The following TGM6 variants were observed in gnomAD, a reference collection of about 807,000 sequenced individuals.
TGM6 encodes transglutaminase 6.
TGM6 carries 74 observed loss-of-function variants against 77.5 expected under a neutral mutation model. That is an observed-to-expected ratio of 0.96 (90% CI 0.79 to 1.16). TGM6 has a LOEUF of 1.16. TGM6 is among the 50% of genes most tolerant of loss of function. The pLI is 0.00. For synonymous variants in TGM6, 383 were observed against 378.9 expected (o/e 1.01, Z -0.12); for missense variants, 968 against 940.2 (o/e 1.03, Z -0.39).
chr20:2,396,623 A>AGGTCT lies in TGM6; in HGVS notation c.543_543+4dup, dbSNP rs756760933. On this transcript the variant is annotated frameshift_variant and splice_region_variant, in exon 4 of 13. Transcript: ENST00000202625. LOFTEE classifies it high-confidence loss of function. The stretch of plus-strand genomic sequence containing the variant: ...CGAGCCCAGGGCTGGAACTACGGGC[A>AGGTCT]GGTCTCCAGGGGCACAGGCCAGACA... The AGGTCT allele has an allele frequency of 2.7e-5, 43 of 1,614,040 alleles. No homozygotes were observed. The highest frequency in any genetic ancestry group is 3.6e-5 in the Non-Finnish European group (42 of 1,179,998).
rs1277877782 is a variant in TGM6, at chr20:2,396,595, A to C, written c.514A>C (p.Ile172Leu). The C allele has an allele frequency of 1.2e-6, 2 of 1,614,080 alleles. No homozygotes were observed. Among genetic ancestry groups the C allele is most frequent in the Admixed American group, 3.3e-5 (2 of 60,000 alleles). ...CATCTTCCGAGGCGTGGAGAAGCAC[A>C]TACGAGCCCAGGGCTGGAACTACGG... The part of the protein sequence containing the change: ...GIIFRGVEKH[I>L]RAQGWNYGQF... Residue 172 changes from isoleucine (I) to leucine (L), a missense_variant, in exon 4 of 13, where the codon ATA becomes CTA. Ile to Leu is a conservative substitution (Grantham distance 5). Transcript: ENST00000202625.
At chr20:2,391,939 G>A (rs564466010) in intron 1 of TGM6, among the ~76,000 whole-genome samples, 4 of 152,260 alleles carry the variant, frequency 2.6e-5, no homozygotes, top group East Asian at 1.9e-4. Context: ...TCTGCCTAGC[G>A]CCATAGCTGC....
chr20:2,429,633 G>A (rs2084910532), intron 10 of TGM6, among the ~76,000 whole-genome samples: 1 of 152,110 alleles, frequency 6.6e-6, no homozygotes, highest in Non-Finnish European at 1.5e-5. Context: ...GCTGGGCATG[G>A]TGGCATGTGC....
At chr20:2,397,079 T>C (rs535910160) in intron 4 of TGM6, among the ~76,000 whole-genome samples, 1 of 152,174 alleles carries the variant, frequency 6.6e-6, no homozygotes, top group African/African-American at 2.4e-5. Context: ...GTAGTTCCAA[T>C]ACCAGGTGCA....
At chr20:2,383,856 A>T in intron 1 of TGM6, among the ~76,000 whole-genome samples, 1 of 152,090 alleles carries the variant, frequency 6.6e-6, no homozygotes, top group Non-Finnish European at 1.5e-5. Context: ...TCCTGTCATC[A>T]TAGCACTTTG....
chr20:2,403,818 C>T lies in TGM6; in HGVS notation c.1331C>T (p.Pro444Leu), dbSNP rs762711483. Residue 444 changes from proline to leucine, a missense_variant, in exon 9 of 13, where the codon CCG (proline) becomes CTG (leucine). Pro to Leu is a moderately conservative substitution (Grantham distance 98). Transcript: ENST00000202625. Reference sequence around the variant, plus strand: ...GACATCACTGACCTCTACAAGTATCCGGAAGGTAAGGGCCACATGGCGGCC... The same window carrying T: ...GACATCACTGACCTCTACAAGTATCTGGAAGGTAAGGGCCACATGGCGGCC... ...RVDITDLYKY[P>L]EGSRKERQVY... The T allele has an allele frequency of 2.5e-6, 4 of 1,614,078 alleles. No individual in the cohort carries two copies. The highest frequency in any genetic ancestry group is 1.1e-5 in the South Asian group (1 of 91,074).
chr20:2,409,403 T>C (rs781278359), intron 9 of TGM6, among the ~76,000 whole-genome samples: 1 of 152,110 alleles, frequency 6.6e-6, no homozygotes, highest in Non-Finnish European at 1.5e-5. Context: ...AATAGCCTAA[T>C]CTTCTACCTT....
In TGM6 at chr20:2,399,543, G is replaced by C. The variant is rs780004688; in HGVS notation, c.673-18G>C. The C allele has an allele frequency of 6.2e-7, 1 of 1,612,276 alleles. No individual in the cohort carries two copies. Among genetic ancestry groups the C allele is most frequent in the East Asian group, 2.2e-5 (1 of 44,872 alleles). Reference sequence around the variant, plus strand: ...GGAAGCCCTGCCTGGTTGTGGACCCGTGCCCTCCTCTGCCCAGGTGAACAG... The same window carrying C: ...GGAAGCCCTGCCTGGTTGTGGACCCCTGCCCTCCTCTGCCCAGGTGAACAG... On this transcript the variant is annotated intron_variant, in intron 5 of 12. Coordinates refer to ENST00000202625, the MANE Select transcript of TGM6 (RefSeq NM_198994.3).
intron 1 of TGM6, among the ~76,000 whole-genome samples, chr20:2,382,090 C>T (rs2084558970): frequency 6.6e-6 from 1 of 152,168 alleles, no homozygotes; most frequent in Non-Finnish European, 1.5e-5. Flanking sequence ...CTGTGTCTGC[C>T]AGTTTTAATT....
intron 1 of TGM6, among the ~76,000 whole-genome samples, 192 bp from the exon 2 acceptor site, chr20:2,394,260 C>T (rs544752536): frequency 8.5e-5 from 13 of 152,240 alleles, no homozygotes; most frequent in Admixed American, 3.9e-4. Context: ...CGCCACTGCA[C>T]GCCAGCCTGG....
chr20:2,431,471 T>A (rs994156277), intron 12 of TGM6, among the ~76,000 whole-genome samples: 1 of 152,248 alleles, frequency 6.6e-6, no homozygotes, highest in Non-Finnish European at 1.5e-5. Context: ...TCATTGTCAA[T>A]CATTCATTCA....
chr20:2,406,916 C>T (rs2084756495), intron 9 of TGM6, among the ~76,000 whole-genome samples: 1 of 140,210 alleles, frequency 7.1e-6, no homozygotes, highest in Non-Finnish European at 1.5e-5. Context: ...ACAGTGATGA[C>T]AATCACTGTT....
At chr20:2,396,917 C>T (rs1170061151) in intron 4 of TGM6, among the ~76,000 whole-genome samples, 9 of 152,110 alleles carry the variant, frequency 5.9e-5, no homozygotes, top group Non-Finnish European at 1.2e-4. Flanking sequence ...CATCAGAATC[C>T]CAGGAGGGAT....
At chr20:2,391,136 C>T (rs6048587) in intron 1 of TGM6, among the ~76,000 whole-genome samples, 100,572 of 149,582 alleles carry the variant, frequency 0.67, 34,096 homozygotes, top group Non-Finnish European at 0.7. Context: ...TGAGGATATG[C>T]GGGGGTGGGG....
In TGM6 at chr20:2,411,295, T is replaced by C. The variant is rs914403688; in HGVS notation, c.1337-5937T>C. On this transcript the variant is annotated intron_variant, in intron 9 of 12. Transcript: ENST00000202625. Reference sequence around the variant, plus strand: ...TCAGCAACATATAAAAAAGATTATATGCCATGAGCAAGTGGGATTTATCCC... The same window carrying C: ...TCAGCAACATATAAAAAAGATTATACGCCATGAGCAAGTGGGATTTATCCC... 9.8e-5 allele frequency among the ~76,000 whole-genome samples: 15 copies of C among 152,292 alleles called. No homozygotes were observed. The East Asian group carries it at 2.5e-3, about 25-fold the overall frequency.
intron 10 of TGM6, 36 bp downstream of exon 10, chr20:2,417,609 C>T (rs1442770620): frequency 2.5e-6 from 4 of 1,569,420 alleles, no homozygotes; most frequent in Middle Eastern, 1.9e-4. Flanking sequence ...TCAGGCCAAA[C>T]CACCTCCTTT....
At position 2,397,903 on chromosome 20, in the gene TGM6, C is replaced by G. The variant is rs753517856; in HGVS notation, c.544-15C>G. ...ACTGAACGCAGCCTCTAAGCACAGC[C>G]TCTCTGGGGAGCAGTTTGAGGAGGA... On this transcript the variant is annotated splice_polypyrimidine_tract_variant and intron_variant, in intron 4 of 12. Coordinates refer to ENST00000202625, the MANE Select transcript of TGM6 (RefSeq NM_198994.3). 1.9e-6 allele frequency: 3 copies of G among 1,614,016 alleles called. No individual in the cohort carries two copies. The highest frequency in any genetic ancestry group is 2.5e-6 in the Non-Finnish European group (3 of 1,180,024).
At chr20:2,395,921 C>G (rs1228727823) in intron 3 of TGM6, among the ~76,000 whole-genome samples, 1 of 152,150 alleles carries the variant, frequency 6.6e-6, no homozygotes, top group Non-Finnish European at 1.5e-5. Flanking sequence ...TGGCTCACGC[C>G]TGTAACCCCA....
chr20:2,380,921 T>C lies in TGM6; in HGVS notation c.-48T>C. 1 of 1,599,564 alleles carries C rather than the reference T, an allele frequency of 6.3e-7. No homozygotes were observed. The highest frequency in any genetic ancestry group is 8.5e-7 in the Non-Finnish European group (1 of 1,174,942). ...GTGACGCGCCACACTGTCCTGACGG[T>C]GCACACACTGCTGTGTGGAGGAACA... On this transcript the variant is annotated 5_prime_UTR_variant, in exon 1 of 13. Transcript: ENST00000202625.
Sources: gnomAD v4.1 joint callset for allele counts (sites outside exome capture counted in the v4.1 genomes callset) on GRCh38, gnomAD v4.1.1 for gene constraint, MANE v1.5 for transcripts, NCBI Gene and HGNC (gene_info 2026-07-23, HGNC 2026-07-21) for gene names.